The following KLKB1 variants were observed in gnomAD, a reference collection of about 807,000 sequenced individuals.
KLKB1 encodes the protein kallikrein B1.
A neutral mutation model predicts 73.6 loss-of-function variants in KLKB1; 58 were observed. That is an observed-to-expected ratio of 0.79 (90% CI 0.64 to 0.98). The LOEUF (loss-of-function observed/expected upper bound fraction) is 0.98, where lower values mean the gene tolerates loss of function less well. Among genes scored for constraint, KLKB1 ranks in the 50% least tolerant of loss-of-function variants. The probability of loss-of-function intolerance (pLI) is 0.00; values close to 1 mark genes in which losing one functional copy is unlikely to be tolerated. For synonymous variants in KLKB1, 280 were observed against 258.1 expected, an observed-to-expected ratio of 1.08 and a Z score of -0.81; for missense variants, 737 against 763.8, an observed-to-expected ratio of 0.96 and a Z score of 0.41.
intron 11 of KLKB1, 58 bp downstream of exon 11, chr4:186,252,243 C>T: frequency 6.6e-7 from 1 of 1,526,578 alleles, no homozygotes; most frequent in Non-Finnish European, 9.1e-7. Context: ...TTTGAAGGAT[C>T]TATGATCAGC....
rs762254698 is a variant in KLKB1, at chr4:186,233,911, T to C, written c.222-41T>C. The C allele has an allele frequency of 2.2e-6, 3 of 1,368,716 alleles. No homozygotes were observed. In the South Asian group the frequency reaches 3.5e-5, roughly 16 times the overall value. The allele number at this position is 1,368,716 out of a possible 1,614,324, so 84.8% of individuals were successfully genotyped here. A position where few individuals can be genotyped will look rare whatever the true frequency, so the allele number is the denominator to read the frequency against. ...ATGCTAGACATTTCCTCAATGTATG[T>C]TTATTATTCTACTTCCTAAGTAAAG... On this transcript the variant is annotated intron_variant, in intron 3 of 14. Transcript: ENST00000264690.
chr4:186,242,384 C>T (rs926686500), intron 6 of KLKB1, among the ~76,000 whole-genome samples: 17 of 151,814 alleles, frequency 1.1e-4, no homozygotes, highest in African/African-American at 2.9e-4. Flanking sequence ...GTTGGGGTGG[C>T]GAAAGTTTTT....
chr4:186,244,905 G>A (rs947958685), intron 6 of KLKB1, among the ~76,000 whole-genome samples: 3 of 152,148 alleles, frequency 2.0e-5, no homozygotes, highest in African/African-American at 7.2e-5. Context: ...GGGATGGTAA[G>A]GGGTGCACGA....
In KLKB1 at chr4:186,218,649, T is replaced by C. The variant is rs28510687; in HGVS notation, c.201+9377T>C. On this transcript the variant is annotated intron_variant, in intron 2 of 14. Transcript: ENST00000511608. ...TACATAGTGTGTGTGTGTGTGTGTG[T>C]GTGCGCATGTGTGTGTGCTGAGAAC... Among the ~76,000 whole-genome samples the C allele has an allele frequency of 3.9e-3, 562 of 142,878 alleles. 2 individuals are homozygous for C. The highest frequency in any genetic ancestry group is 0.014 in the African/African-American group (532 of 38,240). The allele number at this position is 142,878 out of a possible 152,430, so 93.7% of individuals were successfully genotyped here. A position where few individuals can be genotyped will look rare whatever the true frequency, so the allele number is the denominator to read the frequency against.
In KLKB1 at chr4:186,254,699, T is replaced by C. The variant is rs759532412; in HGVS notation, c.1425T>C (p.Tyr475=). The C allele has an allele frequency of 1.2e-6, 2 of 1,613,876 alleles. No individual in the cohort carries two copies. The highest frequency in any genetic ancestry group is 2.2e-5 in the South Asian group (2 of 91,082). The part of the protein sequence containing the change: ...QIKEIIIHQN[Y]KVSEGNHDIA... ...AAGAGATTATTATTCACCAAAACTA[T>C]AAAGTCTCAGAAGGGAATCATGATA... The change falls in exon 12 of 15, where the codon TAT becomes TAC. Residue 475 remains tyrosine, a synonymous_variant. Coordinates refer to ENST00000264690, the MANE Select transcript of KLKB1 (RefSeq NM_000892.5).
chr4:186,240,599 AC>A (rs1483352849), intron 6 of KLKB1, among the ~76,000 whole-genome samples: 1 of 152,212 alleles, frequency 6.6e-6, no homozygotes, highest in Non-Finnish European at 1.5e-5. Flanking sequence ...CAAATCCCTT[AC>A]GGCCAGTTTT....
intron 6 of KLKB1, among the ~76,000 whole-genome samples, chr4:186,245,141 G>A (rs1237132351): frequency 6.6e-6 from 1 of 152,156 alleles, no homozygotes; most frequent in Non-Finnish European, 1.5e-5. Flanking sequence ...AAAGAATGTT[G>A]TCCAAGTTGG....
chr4:186,229,016 T>A (rs1296317996), intron 2 of KLKB1: 6 of 151,142 alleles, frequency 4.0e-5, no homozygotes, highest in African/African-American at 1.2e-4. Context: ...TAAAGAGACC[T>A]TTTTTTTTCC....
intron 2 of KLKB1, among the ~76,000 whole-genome samples, chr4:186,215,260 A>AAT (rs1198833176): frequency 6.7e-6 from 1 of 149,474 alleles, no homozygotes; most frequent in Non-Finnish European, 1.5e-5. Flanking sequence ...AAAAAAAAAA[A>AAT]TATGTAGGCA....
At chr4:186,234,568 GCAGTCGTCCA>G (rs1356531095) in intron 4 of KLKB1, among the ~76,000 whole-genome samples, 5 of 152,184 alleles carry the variant, frequency 3.3e-5, no homozygotes, top group Non-Finnish European at 5.9e-5. Context: ...AAGGCACAGG[GCAGTCGTCCA>G]CAGCAAATAA....
intron 11 of KLKB1, among the ~76,000 whole-genome samples, chr4:186,253,256 G>A (rs1738806333): frequency 6.6e-6 from 1 of 152,072 alleles, no homozygotes; most frequent in African/African-American, 2.4e-5. Flanking sequence ...GAAGACACTT[G>A]ATTTTTCTCA....
upstream of KLKB1, among the ~76,000 whole-genome samples, chr4:186,222,691 A>G (rs113025186): frequency 3.1e-3 from 472 of 152,372 alleles, no homozygotes; most frequent in African/African-American, 0.011. Context: ...ACTGTTGCAC[A>G]ATAACAGTAT....
intron 3 of KLKB1, among the ~76,000 whole-genome samples, chr4:186,232,534 A>G (rs897914574): frequency 1.3e-5 from 2 of 152,204 alleles, no homozygotes; most frequent in African/African-American, 4.8e-5. Context: ...TTAAAGTAGT[A>G]GAAGCTAGTC....
intron 2 of KLKB1, among the ~76,000 whole-genome samples, chr4:186,213,649 T>C (rs557105055): frequency 1.3e-5 from 2 of 152,304 alleles, no homozygotes; most frequent in Admixed American, 1.3e-4. Flanking sequence ...GCATCACTGG[T>C]CCCAGGGATT....
chr4:186,245,824 G>GTTTTTTTTTTTTTTTTTTTT (rs1402408736), intron 6 of KLKB1, among the ~76,000 whole-genome samples: 18 of 110,026 alleles, frequency 1.6e-4, no homozygotes, highest in Admixed American at 3.1e-4. Context: ...TTGTTTTTTG[G>GTTTTTTTTTTTTTTTTTTTT]TTTTTTTTTT....
At chr4:186,222,446 TGGTTATCATGA>T (rs1369338897), upstream of KLKB1, among the ~76,000 whole-genome samples, 2 of 152,208 alleles carry the variant, frequency 1.3e-5, no homozygotes, top group Admixed American at 1.3e-4. Flanking sequence ...TTTTTCTTTG[TGGTTATCATGA>T]GGTTTACATA....
intron 2 of KLKB1, among the ~76,000 whole-genome samples, chr4:186,216,349 A>T (rs1297352361): frequency 6.6e-6 from 1 of 152,232 alleles, no homozygotes; most frequent in African/African-American, 2.4e-5. Context: ...AAGGTGTTAC[A>T]GACAGTGGGC....
Position 186,250,279 on chromosome 4 carries a change from C to CA in KLKB1, c.636dup (p.Asp213ArgfsTer47). 1 of 1,614,172 alleles carries CA rather than the reference C, an allele frequency of 6.2e-7. No homozygotes were observed. On this transcript the variant is annotated frameshift_variant, in exon 7 of 15. Transcript: ENST00000264690. LOFTEE classifies it high-confidence loss of function. ...AACATCTTCCAGCATCTTGCGTTCTCAGATGTGGATGTTGCCAGGGTTCTC... is the reference window on the plus strand; with the variant it reads ...AACATCTTCCAGCATCTTGCGTTCTCAAGATGTGGATGTTGCCAGGGTTCTC...
intron 7 of KLKB1, chr4:186,250,939 T>G: frequency 2.3e-6 from 1 of 438,706 alleles, no homozygotes; most frequent in South Asian, 2.6e-5. Flanking sequence ...TGTTCTTTGA[T>G]TTTTTTGTTT....
Sources: gnomAD v4.1 joint callset for allele counts (sites outside exome capture counted in the v4.1 genomes callset) on GRCh38, gnomAD v4.1.1 for gene constraint, MANE v1.5 for transcripts, NCBI Gene and HGNC (gene_info 2026-07-23, HGNC 2026-07-21) for gene names.